Variants in NTRK3 observed in about 807,000 individuals in gnomAD.
NTRK3 encodes NT-3 growth factor receptor.
A neutral mutation model predicts 91.7 loss-of-function variants in NTRK3; 24 were observed. That is an observed-to-expected ratio of 0.26 (90% CI 0.19 to 0.37). The LOEUF (loss-of-function observed/expected upper bound fraction) is 0.37. NTRK3 is among the 10% of genes least tolerant of loss of function. The pLI, the probability that NTRK3 is intolerant of heterozygous loss-of-function variation, is 1.00. For synonymous variants in NTRK3, 483 were observed against 404.0 expected (o/e 1.20, Z -2.34); for missense variants, 880 against 1,068.9 (o/e 0.82, Z 2.46).
rs553530792 is a variant in NTRK3, at chr15:87,969,008, A to G, written c.1586-28255T>C. ...TTCTTTACTTCTTTTATCTCCTCAC[A>G]TAACATAGATGCTATCCCCCCACCC... On this transcript the variant is annotated intron_variant, in intron 14 of 18. Coordinates refer to ENST00000394480, the Ensembl canonical transcript of NTRK3. Among the ~76,000 whole-genome samples the G allele has an allele frequency of 4.6e-5, 7 of 152,242 alleles. No homozygotes were observed. In the South Asian group the frequency reaches 1.5e-3, roughly 32 times the overall value.
intron 13 of NTRK3, among the ~76,000 whole-genome samples, chr15:88,047,084 G>C (rs2080282812): frequency 6.6e-6 from 1 of 152,134 alleles, no homozygotes; most frequent in African/African-American, 2.4e-5. Flanking sequence ...CAGTCACACA[G>C]GGAAAAGCAA....
At chr15:88,157,496 C>T (rs990415696) in intron 5 of NTRK3, among the ~76,000 whole-genome samples, 1 of 151,926 alleles carries the variant, frequency 6.6e-6, no homozygotes, top group Non-Finnish European at 1.5e-5. Context: ...CGTGTGGAGC[C>T]GAGCAGGACC....
At chr15:87,996,154 G>C (rs1202927480) in intron 14 of NTRK3, among the ~76,000 whole-genome samples, 1 of 152,164 alleles carries the variant, frequency 6.6e-6, no homozygotes, top group Non-Finnish European at 1.5e-5. Flanking sequence ...TGAGGCAGAA[G>C]AATCACTTGA....
At chr15:88,244,433 C>T (rs2052642455) in intron 3 of NTRK3, among the ~76,000 whole-genome samples, 2 of 152,188 alleles carry the variant, frequency 1.3e-5, no homozygotes, top group Non-Finnish European at 2.9e-5. Flanking sequence ...AGGATTGGAA[C>T]CTGAGACAGA....
At chr15:88,143,541 C>T (rs1343227116) in intron 6 of NTRK3, among the ~76,000 whole-genome samples, 1 of 152,208 alleles carries the variant, frequency 6.6e-6, no homozygotes, top group Non-Finnish European at 1.5e-5. Context: ...AATAACTTAA[C>T]TCTCTAAGGT....
At chr15:88,012,063 C>G (rs2076918742) in intron 14 of NTRK3, among the ~76,000 whole-genome samples, 1 of 152,138 alleles carries the variant, frequency 6.6e-6, no homozygotes, top group African/African-American at 2.4e-5. Flanking sequence ...CTCCAATGTT[C>G]AAGCCAACAG....
intron 5 of NTRK3, among the ~76,000 whole-genome samples, chr15:88,151,205 A>G (rs1184069889): frequency 1.3e-5 from 2 of 152,172 alleles, no homozygotes; most frequent in African/African-American, 4.8e-5. Context: ...AAGTTCCGTG[A>G]CACTGCCCCT....
At chr15:88,030,570 A>T (rs1397862327) in intron 14 of NTRK3, among the ~76,000 whole-genome samples, 3 of 152,200 alleles carry the variant, frequency 2.0e-5, no homozygotes, top group Non-Finnish European at 4.4e-5. Flanking sequence ...TCCACTAAAG[A>T]GGACAGAGGG....
intron 17 of NTRK3, among the ~76,000 whole-genome samples, chr15:87,889,229 TG>T (rs2065720278): frequency 6.6e-6 from 1 of 152,160 alleles, no homozygotes; most frequent in Non-Finnish European, 1.5e-5. Context: ...CTCCCAGGGC[TG>T]TTTGCCTGAT....
exon 19 of NTRK3, chr15:87,866,313 G>T (rs1438086108): frequency 1.1e-5 from 2 of 189,090 alleles, no homozygotes; most frequent in Admixed American, 6.2e-5. Flanking sequence ...CTTTCCTAAA[G>T]AAATAAAAGT....
intron 5 of NTRK3, among the ~76,000 whole-genome samples, chr15:88,167,693 A>G (rs1433863971): frequency 2.0e-5 from 3 of 152,114 alleles, no homozygotes; most frequent in Non-Finnish European, 2.9e-5. Context: ...AACACATCAC[A>G]TGGTATTACT....
intron 14 of NTRK3, chr15:87,981,433 A>AT: frequency 6.2e-7 from 1 of 1,610,098 alleles, no homozygotes; most frequent in Non-Finnish European, 8.5e-7. Flanking sequence ...ATGGGAAAGT[A>AT]TTTTTCTTAA....
chr15:87,931,007 C>A, intron 16 of NTRK3: 1 of 315,980 alleles, frequency 3.2e-6, no homozygotes, highest in Admixed American at 4.4e-5. Flanking sequence ...GAAGGCAAGG[C>A]ACTGGCACTG....
chr15:88,201,077 T>G (rs1360814852), intron 3 of NTRK3, among the ~76,000 whole-genome samples: 1 of 152,162 alleles, frequency 6.6e-6, no homozygotes, highest in Admixed American at 6.5e-5. Context: ...GCCGCATTAT[T>G]AATTTTCGGT....
intron 14 of NTRK3, among the ~76,000 whole-genome samples, chr15:88,002,956 CT>C (rs1346126421): frequency 6.6e-6 from 1 of 152,180 alleles, no homozygotes; most frequent in East Asian, 1.9e-4. Context: ...TCAAGTACCA[CT>C]TTTCAAAAAT....
At chr15:88,208,806 A>G (rs1472107265) in intron 3 of NTRK3, among the ~76,000 whole-genome samples, 1 of 152,324 alleles carries the variant, frequency 6.6e-6, no homozygotes, top group Non-Finnish European at 1.5e-5. Context: ...GAAAATGCCA[A>G]TGCCTGGAGC....
At chr15:88,206,400 T>C (rs1200112591) in intron 3 of NTRK3, among the ~76,000 whole-genome samples, 2 of 146,408 alleles carry the variant, frequency 1.4e-5, no homozygotes, top group Non-Finnish European at 3.0e-5. Flanking sequence ...GGCTCACGCC[T>C]GTAATCCCAG....
At chr15:87,904,313 G>C (rs761544889) in intron 17 of NTRK3, among the ~76,000 whole-genome samples, 9 of 152,086 alleles carry the variant, frequency 5.9e-5, no homozygotes, top group Non-Finnish European at 1.2e-4. Context: ...ACCACGCCCG[G>C]CTAATTTTTT....
intron 14 of NTRK3, among the ~76,000 whole-genome samples, chr15:87,999,321 C>T (rs2075934223): frequency 6.6e-6 from 1 of 152,154 alleles, no homozygotes; most frequent in South Asian, 2.1e-4. Flanking sequence ...TCCTTGGCCA[C>T]TAGGATGCCC....
Sources: allele counts gnomAD v4.1 joint callset (sites outside exome capture counted in the v4.1 genomes callset), GRCh38; gene constraint gnomAD v4.1.1; transcripts MANE v1.5; gene names NCBI Gene and HGNC (gene_info 2026-07-23, HGNC 2026-07-21).